Variants in SEMA4D observed in about 807,000 individuals in gnomAD.
The protein encoded by SEMA4D is semaphorin 4D, also known as semaphorin-4D.
In SEMA4D, 22 loss-of-function variants were observed where a neutral mutation model predicts 74.8. The ratio of observed to expected loss-of-function variants is 0.29; its 90% CI spans 0.21 to 0.42. The LOEUF (loss-of-function observed/expected upper bound fraction) is 0.42, where lower values mean the gene tolerates loss of function less well. Ranked by LOEUF, SEMA4D falls within the 10% of genes least tolerant of loss-of-function variation. The pLI is 1.00. For missense variants in SEMA4D, 937 were observed against 1,118.4 expected, an observed-to-expected ratio of 0.84 and a Z score of 2.31; for synonymous variants, 445 against 463.7, an observed-to-expected ratio of 0.96 and a Z score of 0.52.
chr9:89,497,898 C>G (rs988874800), intron 1 of SEMA4D, 21 bp downstream of exon 1: 1 of 151,202 alleles, frequency 6.6e-6, no homozygotes, highest in African/African-American at 2.4e-5. Context: ...CCCTCCCTCC[C>G]GCGCCAGCCC....
chr9:89,448,009 A>T (rs1420210689), intron 2 of SEMA4D, among the ~76,000 whole-genome samples: 1 of 152,032 alleles, frequency 6.6e-6, no homozygotes, highest in Admixed American at 6.6e-5. Flanking sequence ...ATTTATTTGC[A>T]TAGGGTCTTG....
chr9:89,384,932 C>A (rs1838094086), intron 13 of SEMA4D: 1 of 985,326 alleles, frequency 1.0e-6, no homozygotes, highest in South Asian at 4.7e-5. Context: ...CCACGGCAGG[C>A]AGGATGTATT....
chr9:89,422,353 C>G (rs1450234373), intron 2 of SEMA4D, among the ~76,000 whole-genome samples: 1 of 152,242 alleles, frequency 6.6e-6, no homozygotes, highest in East Asian at 1.9e-4. Flanking sequence ...CCCCCAGCCC[C>G]TGCTTTCTGG....
chr9:89,479,294 C>A (rs182023690), intron 1 of SEMA4D, among the ~76,000 whole-genome samples: 1 of 152,216 alleles, frequency 6.6e-6, no homozygotes, highest in Non-Finnish European at 1.5e-5. Flanking sequence ...GACAGACACC[C>A]TGCATCTCAG....
intron 2 of SEMA4D, among the ~76,000 whole-genome samples, chr9:89,417,418 T>G (rs143759655): frequency 1.3e-5 from 2 of 152,162 alleles, no homozygotes; most frequent in Admixed American, 1.3e-4. Flanking sequence ...ATAGGAACCA[T>G]GAAGGTCTAA....
downstream of SEMA4D, among the ~76,000 whole-genome samples, chr9:89,375,004 G>C (rs1184666020): frequency 6.6e-6 from 1 of 152,230 alleles, no homozygotes; most frequent in East Asian, 1.9e-4. Flanking sequence ...AGTGAGCCAA[G>C]ATCGTGCCAC....
At chr9:89,477,572 A>G (rs1862082585) in intron 1 of SEMA4D, among the ~76,000 whole-genome samples, 1 of 152,226 alleles carries the variant, frequency 6.6e-6, no homozygotes, top group African/African-American at 2.4e-5. Flanking sequence ...GTGGTGAGCA[A>G]ATAAAGCAAG....
At chr9:89,392,686 G>C (rs1450958207) in intron 7 of SEMA4D, 150 bp from the exon 8 acceptor site, 1 of 618,060 alleles carries the variant, frequency 1.6e-6, no homozygotes, top group Non-Finnish European at 2.9e-6. Context: ...CTCAACTTTT[G>C]GGGTGTCCTG....
chr9:89,459,737 A>T lies in SEMA4D; in HGVS notation c.-309-3784T>A, dbSNP rs142077327. Among the ~76,000 whole-genome samples, 226 of 152,252 alleles carry T rather than the reference A, an allele frequency of 1.5e-3. 5 individuals carry two copies. The East Asian group carries it at 0.042, about 28-fold the overall frequency. On this transcript the variant is annotated intron_variant, in intron 1 of 15. Transcript: ENST00000422704. The stretch of plus-strand genomic sequence containing the variant: ...TCCTTCCTGTCTCCACCTGGCTCAA[A>T]TGCCACCTACCTAGAAGCAGGGACC...
chr9:89,390,355 G>C (rs1467639917), intron 9 of SEMA4D, among the ~76,000 whole-genome samples: 1 of 127,630 alleles, frequency 7.8e-6, no homozygotes, highest in African/African-American at 3.0e-5. Context: ...GAGCATGGCA[G>C]CCACGGCTGC....
At chr9:89,392,318 A>T in intron 8 of SEMA4D, 105 bp downstream of exon 8, 1 of 809,822 alleles carries the variant, frequency 1.2e-6, no homozygotes, top group Non-Finnish European at 2.1e-6. Flanking sequence ...GGGCTAACAC[A>T]AGCTCGGGGG....
intron 1 of SEMA4D, among the ~76,000 whole-genome samples, chr9:89,485,394 C>T (rs1165131046): frequency 6.6e-6 from 1 of 152,140 alleles, no homozygotes; most frequent in African/African-American, 2.4e-5. Context: ...TGAGAAACAC[C>T]CTTTTCAATA....
intron 3 of SEMA4D, among the ~76,000 whole-genome samples, chr9:89,404,059 C>A (rs1003700279): frequency 6.6e-6 from 1 of 152,222 alleles, no homozygotes; most frequent in African/African-American, 2.4e-5. Flanking sequence ...CAGCTCTCAG[C>A]CACCTGCAAG....
intron 2 of SEMA4D, among the ~76,000 whole-genome samples, chr9:89,433,711 G>C (rs1849772016): frequency 6.6e-6 from 1 of 152,232 alleles, no homozygotes; most frequent in Non-Finnish European, 1.5e-5. Context: ...CAGAAGTCCA[G>C]AGGGTCACAG....
chr9:89,401,849 A>G (rs887907054), intron 4 of SEMA4D, among the ~76,000 whole-genome samples: 1 of 152,048 alleles, frequency 6.6e-6, no homozygotes, highest in Admixed American at 6.6e-5. Context: ...CCAGCTAACA[A>G]GTAGAGAAGG....
At chr9:89,361,529 A>C (rs548922966) in exon 19 of SEMA4D, 1 of 152,264 alleles carries the variant, frequency 6.6e-6, no homozygotes, top group African/African-American at 2.4e-5. Context: ...ACAGTGACAC[A>C]GTCTTCAGAG....
rs1315086351 is a variant in SEMA4D at position 89,484,903 on chromosome 9, ATGGGGTGTGTGGTGTGATGTG to A, written c.-310+12995_-310+13015del. Among the ~76,000 whole-genome samples, 1 of 143,552 alleles carries A rather than the reference ATGGGGTGTGTGGTGTGATGTG, an allele frequency of 7.0e-6. No individual in the cohort carries two copies. Among genetic ancestry groups the A allele is most frequent in the Non-Finnish European group, 1.5e-5 (1 of 65,516 alleles). The allele number at this position is 143,552 out of a possible 152,430, so 94.2% of individuals were successfully genotyped here. A position where few individuals can be genotyped will look rare whatever the true frequency, so the allele number is the denominator to read the frequency against. On this transcript the variant is annotated intron_variant, in intron 1 of 15. Coordinates refer to ENST00000422704, the MANE Select transcript of SEMA4D (RefSeq NM_001371194.2). The surrounding 1 kb of genome is among the most constrained non-coding windows in gnomAD (Gnocchi z 4.1). ...GGGGGGTATGTGTGTAGTGTGTGGT[ATGGGGTGTGTGGTGTGATGTG>A]TATGTGTGTGTTGTTTGGTGTGTGT...
rs1219801542 is a variant in SEMA4D, at chr9:89,378,911, T to A, written c.2382A>T (p.Val794=). Reference sequence around the variant, plus strand: ...TCTGCTGGGAGAAGCTCCCTGGCTCTACTAACGTCTCCTTCAGGCTCTGCT... The same window carrying A: ...TCTGCTGGGAGAAGCTCCCTGGCTCAACTAACGTCTCCTTCAGGCTCTGCT... ...DREQSLKETL[V]EPGSFSQQNG... The change falls in exon 16 of 16, where the codon GTA becomes GTT. Residue 794 remains valine (V), a synonymous_variant. Coordinates refer to ENST00000422704, the MANE Select transcript of SEMA4D (RefSeq NM_001371194.2). 6.2e-7 allele frequency: 1 copy of A among 1,614,240 alleles called. No homozygotes were observed. The highest frequency in any genetic ancestry group is 2.2e-5 in the East Asian group (1 of 44,886).
intron 16 of SEMA4D, among the ~76,000 whole-genome samples, chr9:89,370,600 T>C (rs1269534599): frequency 2.7e-5 from 4 of 150,160 alleles, no homozygotes; most frequent in African/African-American, 9.8e-5. Flanking sequence ...GTAGTGTGTG[T>C]GGTATGTGTG....
Sources: allele counts gnomAD v4.1 joint callset (sites outside exome capture counted in the v4.1 genomes callset), GRCh38; gene constraint gnomAD v4.1.1; non-coding constraint Gnocchi (gnomAD v3.1); transcripts MANE v1.5; gene names NCBI Gene and HGNC (gene_info 2026-07-23, HGNC 2026-07-21).